The following CRPPA variants were observed in gnomAD, a reference collection of about 807,000 sequenced individuals.
The protein encoded by CRPPA is D-ribitol-5-phosphate cytidylyltransferase.
Under a neutral mutation model 52.0 loss-of-function variants are expected in CRPPA, and 43 were observed. The ratio of observed to expected loss-of-function variants is 0.83; its 90% CI spans 0.65 to 1.07. The LOEUF is 1.07. Among genes scored for constraint, CRPPA ranks in the 50% least tolerant of loss-of-function variants. The pLI is 0.00. For missense variants in CRPPA, 629 were observed against 551.7 expected, an observed-to-expected ratio of 1.14 and a Z score of -1.40; for synonymous variants, 250 against 203.5, an observed-to-expected ratio of 1.23 and a Z score of -1.94.
intron 8 of CRPPA, among the ~76,000 whole-genome samples, chr7:16,222,236 T>C (rs553036522): frequency 4.3e-4 from 63 of 145,268 alleles, no homozygotes; most frequent in Non-Finnish European, 8.0e-4. Context: ...TAGGTGGGAA[T>C]TGAACAATGA....
intron 9 of CRPPA, among the ~76,000 whole-genome samples, chr7:16,094,447 C>T (rs1781895940): frequency 6.6e-6 from 1 of 152,028 alleles, no homozygotes; most frequent in Non-Finnish European, 1.5e-5. Flanking sequence ...AATGCAAACC[C>T]AATGTATCTT....
chr7:16,133,908 A>G (rs1203034611), intron 9 of CRPPA, among the ~76,000 whole-genome samples: 1 of 124,378 alleles, frequency 8.0e-6, no homozygotes, highest in East Asian at 3.5e-4. Context: ...GATTTTCTTA[A>G]CATCTTCTTA....
chr7:16,143,732 T>C (rs1264758586), intron 9 of CRPPA, among the ~76,000 whole-genome samples: 1 of 152,158 alleles, frequency 6.6e-6, no homozygotes, highest in African/African-American at 2.4e-5. Flanking sequence ...AAGATACGGT[T>C]AGATGTTTAA....
intron 3 of CRPPA, among the ~76,000 whole-genome samples, chr7:16,331,908 T>A (rs6461239): frequency 0.93 from 142,200 of 152,234 alleles, 66,501 homozygotes; most frequent in Non-Finnish European, 0.95. Context: ...AAAAATTAAC[T>A]GAAGAAATAT....
Position 16,421,054 on chromosome 7 carries a change from G to C in CRPPA, c.257+12C>G. On this transcript the variant is annotated intron_variant, in intron 1 of 9. Coordinates refer to ENST00000407010, the MANE Select transcript of CRPPA (RefSeq NM_001101426.4). ...CCCAGGGAACCGCGGGGCGCGCCCG[G>C]CGCCGCATTACCTCTCCAGGGCCTG... is the stretch of plus-strand genomic sequence containing the variant. 1 of 1,263,990 alleles carries C rather than the reference G, an allele frequency of 7.9e-7. No individual in the cohort carries two copies. The highest frequency in any genetic ancestry group is 1.0e-6 in the Non-Finnish European group (1 of 996,980). 78.3% of individuals were successfully genotyped at this position (1,263,990 alleles called of 1,614,324 possible).
intron 6 of CRPPA, among the ~76,000 whole-genome samples, chr7:16,272,869 T>C (rs980273015): frequency 2.0e-5 from 3 of 152,148 alleles, no homozygotes; most frequent in Admixed American, 1.3e-4. Context: ...CTATTTCCAT[T>C]TGTAAAATAA....
At chr7:16,140,211 G>C (rs1472211670) in intron 9 of CRPPA, among the ~76,000 whole-genome samples, 1 of 152,026 alleles carries the variant, frequency 6.6e-6, no homozygotes, top group Non-Finnish European at 1.5e-5. Flanking sequence ...GCAGTGGTGT[G>C]ATCTCAGTTC....
At chr7:16,240,692 C>A (rs897373597) in intron 8 of CRPPA, among the ~76,000 whole-genome samples, 17 of 152,082 alleles carry the variant, frequency 1.1e-4, no homozygotes, top group African/African-American at 4.1e-4. Flanking sequence ...GCAGTGAGAA[C>A]TAAAATAGCC....
At position 16,108,689 on chromosome 7, in the gene CRPPA, T is replaced by C. The variant is rs545638908; in HGVS notation, c.1252-16890A>G. ...CAAGCAGATGAAATATTCTCCGGGATAGATCTCACATGTTAGAGCACAAAA... is the reference window on the plus strand; with the variant it reads ...CAAGCAGATGAAATATTCTCCGGGACAGATCTCACATGTTAGAGCACAAAA... On this transcript the variant is annotated intron_variant, in intron 9 of 9. Transcript: ENST00000407010. 2.5e-3 allele frequency among the ~76,000 whole-genome samples: 386 copies of C among 152,010 alleles called. 3 individuals carry two copies. The highest frequency in any genetic ancestry group is 8.9e-3 in the African/African-American group (369 of 41,540).
At chr7:16,226,385 G>C (rs1428688280) in intron 8 of CRPPA, among the ~76,000 whole-genome samples, 1 of 151,772 alleles carries the variant, frequency 6.6e-6, no homozygotes, top group African/African-American at 2.4e-5. Flanking sequence ...GCTTTACTTT[G>C]TTGGGATATT....
chr7:16,398,883 G>A (rs914191019), intron 2 of CRPPA, among the ~76,000 whole-genome samples: 6 of 152,176 alleles, frequency 3.9e-5, no homozygotes, highest in Non-Finnish European at 7.4e-5. Context: ...TGACTCACAC[G>A]TGATCAGCAC....
At chr7:16,163,995 T>G (rs952658412) in intron 9 of CRPPA, among the ~76,000 whole-genome samples, 1 of 152,250 alleles carries the variant, frequency 6.6e-6, no homozygotes, top group South Asian at 2.1e-4. Flanking sequence ...TGTCTTGGGG[T>G]TGCTCTTCTA....
chr7:16,397,911 G>A (rs1047067220), intron 2 of CRPPA, among the ~76,000 whole-genome samples: 1 of 152,240 alleles, frequency 6.6e-6, no homozygotes, highest in African/African-American at 2.4e-5. Flanking sequence ...TGTTTGACGT[G>A]ACCAACACAA....
intron 9 of CRPPA, among the ~76,000 whole-genome samples, chr7:16,122,754 G>A (rs953308315): frequency 1.3e-5 from 2 of 152,022 alleles, no homozygotes; most frequent in Non-Finnish European, 2.9e-5. Flanking sequence ...TAAAACAATG[G>A]TAAGAGTTTA....
intron 8 of CRPPA, among the ~76,000 whole-genome samples, chr7:16,258,016 T>C (rs1333539729): frequency 1.3e-5 from 2 of 152,154 alleles, no homozygotes; most frequent in African/African-American, 4.8e-5. Context: ...CACGAGGTTT[T>C]TTCCTCACAT....
At chr7:16,418,794 T>A (rs1033600741) in intron 1 of CRPPA, among the ~76,000 whole-genome samples, 1 of 152,142 alleles carries the variant, frequency 6.6e-6, no homozygotes, top group South Asian at 2.1e-4. Context: ...AAATTCAAGA[T>A]GAGATTTTTG....
In CRPPA at chr7:16,128,215, T is replaced by G. The variant is rs139937752; in HGVS notation, c.1252-36416A>C. 6.9e-3 allele frequency among the ~76,000 whole-genome samples: 1,043 copies of G among 152,198 alleles called. 13 individuals carry two copies. Among genetic ancestry groups the G allele is most frequent in the African/African-American group, 0.024 (1,000 of 41,516 alleles). ...GGATAATCTGTACAGCAAACCACCA[T>G]GGCACACGTTTACCTATATAGCAAA... On this transcript the variant is annotated intron_variant, in intron 9 of 9. Transcript: ENST00000407010.
intron 5 of CRPPA, among the ~76,000 whole-genome samples, chr7:16,296,345 C>G (rs902057546): frequency 2.6e-5 from 4 of 152,088 alleles, no homozygotes; most frequent in African/African-American, 7.2e-5. Context: ...AATTCCCATA[C>G]TAAACCAAAG....
At chr7:16,372,702 T>C (rs773338354) in intron 3 of CRPPA, among the ~76,000 whole-genome samples, 22 of 152,214 alleles carry the variant, frequency 1.4e-4, no homozygotes, top group Non-Finnish European at 2.5e-4. Flanking sequence ...AATAGTAACA[T>C]TGAATGTAAA....
Sources: gnomAD v4.1 joint callset for allele counts (sites outside exome capture counted in the v4.1 genomes callset) on GRCh38, gnomAD v4.1.1 for gene constraint, MANE v1.5 for transcripts, NCBI Gene and HGNC (gene_info 2026-07-23, HGNC 2026-07-21) for gene names.